Variants in DPH5 observed in about 807,000 individuals in gnomAD.
DPH5 encodes the protein diphthamide biosynthesis 5, also known as diphthine methyl ester synthase.
A neutral mutation model predicts 31.6 loss-of-function variants in DPH5; 31 were observed. The observed-to-expected ratio is 0.98, with a 90% CI of 0.74 to 1.32. DPH5 has a LOEUF of 1.32. DPH5 is among the 40% of genes most tolerant of loss of function. The probability of loss-of-function intolerance (pLI) is 0.00; values close to 1 mark genes in which losing one functional copy is unlikely to be tolerated. For missense variants in DPH5, 309 were observed against 335.7 expected (o/e 0.92, Z 0.62); for synonymous variants, 120 against 115.0 (o/e 1.04, Z -0.28).
rs1657533055 is a variant in DPH5, at chr1:100,990,128, TAACA to T, written c.*276_*279del. On this transcript the variant is annotated 3_prime_UTR_variant, in exon 8 of 8. Coordinates refer to ENST00000370109, the MANE Select transcript of DPH5 (RefSeq NM_015958.3). ...ATGGCTGGGAAGGCCTCAGGAAACT[TAACA>T]ATCACGGTGGAAGGCACCTCTTCAC... 4 of 399,828 alleles carry T rather than the reference TAACA, an allele frequency of 1.0e-5. No homozygotes were observed. Among genetic ancestry groups the T allele is most frequent in the Non-Finnish European group, 1.4e-5 (3 of 218,654 alleles). The allele number at this position is 399,828 out of a possible 1,614,324, so 24.8% of individuals were successfully genotyped here.
At chr1:101,011,959 GGC>G (rs1352235930) in intron 4 of DPH5, among the ~76,000 whole-genome samples, 1 of 137,058 alleles carries the variant, frequency 7.3e-6, no homozygotes, top group Non-Finnish European at 1.5e-5. Flanking sequence ...GGAGTGCAAT[GGC>G]GCGATCTCAG....
intron 1 of DPH5, 103 bp downstream of exon 1, chr1:101,025,580 G>C (rs973906162): frequency 8.5e-6 from 9 of 1,059,514 alleles, no homozygotes; most frequent in African/African-American, 8.0e-5. Context: ...TCACAAGGAG[G>C]GGTTTGGGAA....
At chr1:101,003,206 T>C (rs1658996750) in intron 4 of DPH5, among the ~76,000 whole-genome samples, 1 of 152,164 alleles carries the variant, frequency 6.6e-6, no homozygotes, top group African/African-American at 2.4e-5. Context: ...GGTTTCCCTG[T>C]GACAATGTAT....
In DPH5 at chr1:100,995,207, T is replaced by A; in HGVS notation, c.491-58A>T. 6.6e-6 allele frequency: 8 copies of A among 1,217,296 alleles called. No homozygotes were observed. The South Asian group carries it at 1.0e-4, about 15-fold the overall frequency. 75.4% of individuals were successfully genotyped at this position (1,217,296 alleles called of 1,614,324 possible). ...ATTAAAAGCTTTATCCAAAACCCTA[T>A]GTGTAAACCTCAGTTAAGAGTCACC... On this transcript the variant is annotated intron_variant, in intron 5 of 7. Coordinates refer to ENST00000370109, the MANE Select transcript of DPH5 (RefSeq NM_015958.3).
chr1:100,997,749 C>G (rs867410659), intron 5 of DPH5, among the ~76,000 whole-genome samples: 1 of 152,168 alleles, frequency 6.6e-6, no homozygotes, highest in Non-Finnish European at 1.5e-5. Context: ...TGTTTTAGAA[C>G]CTTTCAGTAC....
intron 4 of DPH5, among the ~76,000 whole-genome samples, chr1:101,007,925 T>A (rs978073015): frequency 6.6e-6 from 1 of 152,138 alleles, no homozygotes; most frequent in Non-Finnish European, 1.5e-5. Flanking sequence ...TTTTCTTTCA[T>A]TAGAAAAATC....
intron 3 of DPH5, among the ~76,000 whole-genome samples, chr1:101,016,041 T>C (rs1052389211): frequency 6.6e-6 from 1 of 152,120 alleles, no homozygotes; most frequent in Non-Finnish European, 1.5e-5. Context: ...TTCGTAAGAG[T>C]AGCACTTTTA....
intron 4 of DPH5, among the ~76,000 whole-genome samples, chr1:101,011,206 CAT>C (rs1358273664): frequency 3.3e-5 from 5 of 151,890 alleles, no homozygotes; most frequent in Non-Finnish European, 7.4e-5. Context: ...GTGTGTCATG[CAT>C]ATGATTTTTA....
intron 3 of DPH5, among the ~76,000 whole-genome samples, chr1:101,015,239 T>C (rs1383408151): frequency 8.1e-6 from 1 of 122,766 alleles, no homozygotes; most frequent in Non-Finnish European, 2.0e-5. Context: ...ATTTCTTAGA[T>C]AGAAAGACTT....
At chr1:101,021,606 T>C (rs143778356) in intron 3 of DPH5, 35 bp downstream of exon 3, 3 of 1,582,444 alleles carry the variant, frequency 1.9e-6, no homozygotes, top group African/African-American at 2.7e-5. Context: ...AAAAAGTAAA[T>C]GAGTTAAAAA....
chr1:101,001,421 A>G, intron 5 of DPH5, 46 bp downstream of exon 5: 1 of 1,586,518 alleles, frequency 6.3e-7, no homozygotes, highest in Non-Finnish European at 8.6e-7. Flanking sequence ...TGAGAACAGT[A>G]TGATAGTTCC....
chr1:101,015,726 G>A lies in DPH5; in HGVS notation c.261-1908C>T, dbSNP rs116748134. The stretch of plus-strand genomic sequence containing the variant: ...TTCATCCACACTGAAAATCTACTGT[G>A]TAGTGATTCATCAGTTACCTTAGCT... On this transcript the variant is annotated intron_variant, in intron 3 of 7. Coordinates refer to ENST00000370109, the MANE Select transcript of DPH5 (RefSeq NM_015958.3). Among the ~76,000 whole-genome samples, 289 of 152,318 alleles carry A rather than the reference G, an allele frequency of 1.9e-3. 1 individual carries two copies. Among genetic ancestry groups the A allele is most frequent in the African/African-American group, 6.3e-3 (261 of 41,562 alleles).
At position 100,990,092 on chromosome 1, in the gene DPH5, C is replaced by T. The variant is rs953747025; in HGVS notation, c.*316G>A. The stretch of plus-strand genomic sequence containing the variant: ...TATAAAAGAGGTTTAATTTTCGACT[C>T]ACAGTTCCACATGGCTGGGAAGGCC... On this transcript the variant is annotated 3_prime_UTR_variant, in exon 8 of 8. Coordinates refer to ENST00000370109, the MANE Select transcript of DPH5 (RefSeq NM_015958.3). The T allele has an allele frequency of 3.0e-6, 1 of 330,988 alleles. No homozygotes were observed. Among genetic ancestry groups the T allele is most frequent in the Non-Finnish European group, 5.6e-6 (1 of 177,240 alleles). 20.5% of individuals were successfully genotyped at this position (330,988 alleles called of 1,614,324 possible). A position where few individuals can be genotyped will look rare whatever the true frequency, so the allele number is the denominator to read the frequency against.
At chr1:101,005,826 T>C (rs1011467126) in intron 4 of DPH5, among the ~76,000 whole-genome samples, 14 of 152,058 alleles carry the variant, frequency 9.2e-5, no homozygotes, top group African/African-American at 1.9e-4. Flanking sequence ...TAAACATATA[T>C]AACATGGCTT....
At chr1:100,998,811 T>C (rs958894455) in intron 5 of DPH5, among the ~76,000 whole-genome samples, 1 of 152,192 alleles carries the variant, frequency 6.6e-6, no homozygotes, top group Admixed American at 6.5e-5. Context: ...TGTAAGGTTA[T>C]AACACATCAC....
At chr1:101,020,478 C>T (rs1660368599) in intron 3 of DPH5, among the ~76,000 whole-genome samples, 1 of 151,906 alleles carries the variant, frequency 6.6e-6, no homozygotes, top group African/African-American at 2.4e-5. Context: ...TTCCTAGGGC[C>T]ATCCTAGGTC....
Position 101,013,785 on chromosome 1 carries a change from T to G in DPH5, c.294A>C (p.Ala98=). 7 of 1,613,338 alleles carry G rather than the reference T, an allele frequency of 4.3e-6. No homozygotes were observed. The highest frequency in any genetic ancestry group is 5.9e-6 in the Non-Finnish European group (7 of 1,179,616). Residue 98 remains alanine (A), a synonymous_variant, in exon 4 of 8, where the codon GCA becomes GCC. Transcript: ENST00000370109. ...CTCTATAAGGAATTCCCAGCTTTGT[T>G]GCTCTTAGAACAAGATCACTGTGTG... The part of the protein sequence containing the change: ...ATTHSDLVLR[A]TKLGIPYRVI...
Position 101,023,747 on chromosome 1 carries a change from T to C in DPH5, c.135+1562A>G, listed in dbSNP as rs114319048. On this transcript the variant is annotated intron_variant, in intron 2 of 7. Coordinates refer to ENST00000370109, the MANE Select transcript of DPH5 (RefSeq NM_015958.3). ...GAAATGTGAACATTGACAATTTCTA[T>C]TTCTGAACAGTTTTGTGCCATATAC... Among the ~76,000 whole-genome samples, 395 of 152,342 alleles carry C rather than the reference T, an allele frequency of 2.6e-3. 6 individuals are homozygous for C. Among genetic ancestry groups the C allele is most frequent in the African/African-American group, 9.2e-3 (384 of 41,580 alleles).
chr1:101,004,268 G>T (rs1259124379), intron 4 of DPH5, among the ~76,000 whole-genome samples: 1 of 152,118 alleles, frequency 6.6e-6, no homozygotes, highest in Non-Finnish European at 1.5e-5. Flanking sequence ...AAGAACAAAA[G>T]AACCAGTTCT....
Sources: allele counts gnomAD v4.1 joint callset (sites outside exome capture counted in the v4.1 genomes callset), GRCh38; gene constraint gnomAD v4.1.1; transcripts MANE v1.5; gene names NCBI Gene and HGNC (gene_info 2026-07-23, HGNC 2026-07-21).